The following ASCC3 variants were observed in gnomAD, a reference collection of about 807,000 sequenced individuals.
ASCC3 encodes ASC-1 complex subunit P200.
In ASCC3, 158 loss-of-function variants were observed where a neutral mutation model predicts 256.3. The observed-to-expected ratio is 0.62, with a 90% CI of 0.54 to 0.70. The LOEUF (loss-of-function observed/expected upper bound fraction) is 0.70. Ranked by LOEUF, ASCC3 falls within the 30% of genes least tolerant of loss-of-function variation. The pLI is 0.00. For missense variants in ASCC3, 2,259 were observed against 2,626.0 expected, an observed-to-expected ratio of 0.86 and a Z score of 3.05; for synonymous variants, 948 against 883.4, an observed-to-expected ratio of 1.07 and a Z score of -1.30.
At chr6:100,687,030 T>TCACACACACA (rs1164501730) in intron 13 of ASCC3, among the ~76,000 whole-genome samples, 4,517 of 128,798 alleles carry the variant, frequency 0.035, 91 homozygotes, top group Middle Eastern at 0.08. Context: ...TCTCTCTCTC[T>TCACACACACA]CTCTCACACA....
chr6:100,605,263 T>C (rs920057337), intron 33 of ASCC3, among the ~76,000 whole-genome samples: 2 of 152,130 alleles, frequency 1.3e-5, no homozygotes, highest in Admixed American at 1.3e-4. Context: ...AATAAGGCAA[T>C]GAGGTGTTAA....
At chr6:100,574,980 T>TGC (rs1770784070) in intron 36 of ASCC3, among the ~76,000 whole-genome samples, 1 of 152,076 alleles carries the variant, frequency 6.6e-6, no homozygotes, top group African/African-American at 2.4e-5. Flanking sequence ...TTGCCATCTG[T>TGC]GCCTCTCCAA....
chr6:100,538,321 G>A (rs1003283606), intron 37 of ASCC3, among the ~76,000 whole-genome samples: 2 of 152,094 alleles, frequency 1.3e-5, no homozygotes, highest in Non-Finnish European at 2.9e-5. Flanking sequence ...CTAATAAGCA[G>A]TAGCAAATCA....
At chr6:100,763,523 G>A (rs773898718) in intron 10 of ASCC3, among the ~76,000 whole-genome samples, 40 of 152,124 alleles carry the variant, frequency 2.6e-4, no homozygotes, top group Non-Finnish European at 5.1e-4. Context: ...TTGGAAGGCA[G>A]GAGGTTTTGC....
intron 3 of ASCC3, 32 bp downstream of exon 3, chr6:100,864,032 T>TA (rs201325406): frequency 0.27 from 294,901 of 1,108,940 alleles, 6,813 homozygotes; most frequent in East Asian, 0.44. Context: ...TGGTTCTCTT[T>TA]AAAAAAAAAA....
intron 37 of ASCC3, among the ~76,000 whole-genome samples, chr6:100,521,138 G>GA (rs1406180253): frequency 6.6e-6 from 1 of 151,984 alleles, no homozygotes; most frequent in Non-Finnish European, 1.5e-5. Context: ...TGGTACAGGA[G>GA]AAAAAAACAA....
intron 14 of ASCC3, among the ~76,000 whole-genome samples, chr6:100,668,381 A>T (rs1182158358): frequency 6.6e-6 from 1 of 152,094 alleles, no homozygotes; most frequent in Non-Finnish European, 1.5e-5. Flanking sequence ...TTTGGAATGG[A>T]TGATTTTCTA....
At chr6:100,692,300 T>C (rs1009741131) in intron 13 of ASCC3, among the ~76,000 whole-genome samples, 1 of 152,118 alleles carries the variant, frequency 6.6e-6, no homozygotes. Context: ...ATGAGTTCTA[T>C]GTACTTTATA....
chr6:100,583,827 C>T (rs12196890), intron 36 of ASCC3, among the ~76,000 whole-genome samples: 66,478 of 151,880 alleles, frequency 0.44, 14,819 homozygotes, highest in South Asian at 0.62. Context: ...TTTATTTCTG[C>T]CTTCATTTCG....
intron 4 of ASCC3, among the ~76,000 whole-genome samples, chr6:100,844,172 A>G (rs1245851838): frequency 7.7e-6 from 1 of 130,066 alleles, no homozygotes; most frequent in East Asian, 2.2e-4. Flanking sequence ...GGCATACTAG[A>G]TAGGAATAGT....
chr6:100,663,571 C>T (rs1776330033), intron 14 of ASCC3, among the ~76,000 whole-genome samples: 1 of 152,052 alleles, frequency 6.6e-6, no homozygotes, highest in African/African-American at 2.4e-5. Context: ...ATTAGTGATG[C>T]TGGCAACTTG....
At chr6:100,798,937 A>C in intron 7 of ASCC3, 99 bp from the exon 8 acceptor site, 1 of 1,089,780 alleles carries the variant, frequency 9.2e-7, no homozygotes, top group Non-Finnish European at 1.3e-6. Flanking sequence ...TACTGGTTTT[A>C]TAACAAAGCA....
chr6:100,750,984 G>A (rs572528945), intron 10 of ASCC3, among the ~76,000 whole-genome samples: 1 of 152,094 alleles, frequency 6.6e-6, no homozygotes, highest in African/African-American at 2.4e-5. Flanking sequence ...ATACTGTGAG[G>A]AATTTTACAT....
At chr6:100,761,414 G>T (rs1781415841) in intron 10 of ASCC3, among the ~76,000 whole-genome samples, 1 of 152,184 alleles carries the variant, frequency 6.6e-6, no homozygotes, top group Non-Finnish European at 1.5e-5. Flanking sequence ...CTTGAGCTCA[G>T]AAGGCTGAGG....
chr6:100,647,116 A>G, intron 21 of ASCC3, 110 bp downstream of exon 21: 1 of 1,060,018 alleles, frequency 9.4e-7, no homozygotes, highest in Non-Finnish European at 1.4e-6. Context: ...TAAATACGGT[A>G]AAATTTTTAT....
intron 7 of ASCC3, 86 bp from the exon 8 acceptor site, chr6:100,798,924 CACT>C (rs1769771451): frequency 8.2e-7 from 1 of 1,213,582 alleles, no homozygotes; most frequent in Admixed American, 2.0e-5. Context: ...AGACAGAAAA[CACT>C]ACTGGTTTTA....
intron 8 of ASCC3, among the ~76,000 whole-genome samples, chr6:100,773,632 A>G (rs1782042823): frequency 6.6e-6 from 1 of 152,178 alleles, no homozygotes; most frequent in African/African-American, 2.4e-5. Flanking sequence ...ACAAATATTG[A>G]AATGAGTCTT....
intron 8 of ASCC3, among the ~76,000 whole-genome samples, chr6:100,789,627 A>T (rs1207621252): frequency 6.6e-6 from 1 of 151,974 alleles, no homozygotes; most frequent in Non-Finnish European, 1.5e-5. Context: ...AACAAAGTAC[A>T]TTTTACTCAG....
intron 20 of ASCC3, among the ~76,000 whole-genome samples, chr6:100,648,275 C>T (rs1362873285): frequency 6.6e-6 from 1 of 152,074 alleles, no homozygotes; most frequent in Non-Finnish European, 1.5e-5. Flanking sequence ...TTTATTTTGC[C>T]TCCACTCCTC....
Sources: gnomAD v4.1 joint callset for allele counts (sites outside exome capture counted in the v4.1 genomes callset) on GRCh38, gnomAD v4.1.1 for gene constraint, MANE v1.5 for transcripts, NCBI Gene and HGNC (gene_info 2026-07-23, HGNC 2026-07-21) for gene names.